The following KIF16B variants were observed in gnomAD, a reference collection of about 807,000 sequenced individuals.
The protein encoded by KIF16B is kinesin-like protein KIF16B.
KIF16B carries 98 observed loss-of-function variants against 156.3 expected under a neutral mutation model. That is an observed-to-expected ratio of 0.63 (90% CI 0.53 to 0.74). The LOEUF (loss-of-function observed/expected upper bound fraction) is 0.74. Ranked by LOEUF, KIF16B falls within the 30% of genes least tolerant of loss-of-function variation. KIF16B has a pLI of 0.00. For missense variants in KIF16B, 1,421 were observed against 1,606.5 expected, an observed-to-expected ratio of 0.88 and a Z score of 1.97; for synonymous variants, 564 against 583.7, an observed-to-expected ratio of 0.97 and a Z score of 0.49.
At chr20:16,408,784 T>G (rs957017771) in intron 15 of KIF16B, among the ~76,000 whole-genome samples, 1 of 152,130 alleles carries the variant, frequency 6.6e-6, no homozygotes, top group Non-Finnish European at 1.5e-5. Flanking sequence ...TAGATAATGT[T>G]TGAGTCAACT....
intron 15 of KIF16B, among the ~76,000 whole-genome samples, chr20:16,422,773 G>A (rs141903285): frequency 1.9e-3 from 295 of 152,152 alleles, no homozygotes; most frequent in Non-Finnish European, 3.0e-3. Context: ...ACACAAGAGG[G>A]ATATTGCATA....
chr20:16,362,102 C>G (rs1247628466), intron 22 of KIF16B, among the ~76,000 whole-genome samples: 1 of 152,164 alleles, frequency 6.6e-6, no homozygotes, highest in Non-Finnish European at 1.5e-5. Flanking sequence ...GGTTAGGACC[C>G]TCAGGGAAAA....
intron 22 of KIF16B, chr20:16,368,823 C>T (rs1485299870): frequency 1.0e-5 from 10 of 985,754 alleles, no homozygotes; most frequent in Non-Finnish European, 8.4e-6. Context: ...TATTTATAGA[C>T]ACTTCTTGGG....
Position 16,505,822 on chromosome 20 carries a change from A to C in KIF16B, c.900T>G (p.Leu300=), listed in dbSNP as rs764048805. Residue 300 remains leucine (L), a synonymous_variant, in exon 9 of 26, where the codon CTT becomes CTG. Coordinates refer to ENST00000354981, the MANE Select transcript of KIF16B (RefSeq NM_024704.5). ...ADLSQDAANT[L]AKKKQVFVPY... is the part of the protein sequence containing the mutation. ...GCACGAAAACTTGCTTCTTCTTTGC[A>C]AGAGTATTTGCAGCATCCTGAGATA... is the stretch of plus-strand genomic sequence containing the variant. 1 of 1,614,030 alleles carries C rather than the reference A, an allele frequency of 6.2e-7. No individual in the cohort carries two copies.
intron 1 of KIF16B, among the ~76,000 whole-genome samples, chr20:16,552,214 C>T (rs2070694096): frequency 6.6e-6 from 1 of 152,156 alleles, no homozygotes; most frequent in Admixed American, 6.5e-5. Flanking sequence ...CCCAGCTCAG[C>T]ACTTGAAATA....
At chr20:16,446,363 T>C (rs915009288) in intron 12 of KIF16B, among the ~76,000 whole-genome samples, 3 of 152,214 alleles carry the variant, frequency 2.0e-5, no homozygotes, top group Non-Finnish European at 4.4e-5. Flanking sequence ...GTTTTTACTT[T>C]AATTAATCTA....
At chr20:16,540,442 C>T (rs1193831399) in intron 1 of KIF16B, among the ~76,000 whole-genome samples, 1 of 152,170 alleles carries the variant, frequency 6.6e-6, no homozygotes, top group African/African-American at 2.4e-5. Flanking sequence ...CTTTGAAATT[C>T]TGGGTGGCTC....
chr20:16,478,503 T>G (rs1377716722), intron 12 of KIF16B, among the ~76,000 whole-genome samples: 1 of 152,136 alleles, frequency 6.6e-6, no homozygotes, highest in African/African-American at 2.4e-5. Flanking sequence ...AAATGGAAAA[T>G]TCTAGGCAGA....
intron 1 of KIF16B, among the ~76,000 whole-genome samples, chr20:16,569,772 A>T (rs535484906): frequency 6.6e-6 from 1 of 152,346 alleles, no homozygotes; most frequent in African/African-American, 2.4e-5. Flanking sequence ...TTTGTAGGTG[A>T]CTTTTTAAAA....
intron 25 of KIF16B, among the ~76,000 whole-genome samples, chr20:16,306,452 C>T (rs1487718335): frequency 6.6e-5 from 10 of 152,074 alleles, no homozygotes; most frequent in Non-Finnish European, 1.3e-4. Context: ...AACAGCTCCA[C>T]CATGATTAAA....
intron 12 of KIF16B, among the ~76,000 whole-genome samples, chr20:16,483,419 A>G (rs76729604): frequency 5.5e-4 from 84 of 152,230 alleles, no homozygotes; most frequent in Non-Finnish European, 1.0e-3. Flanking sequence ...TATCTGTATA[A>G]AACTACATAC....
intron 6 of KIF16B, among the ~76,000 whole-genome samples, chr20:16,508,585 A>G (rs970021799): frequency 6.6e-6 from 1 of 152,172 alleles, no homozygotes; most frequent in African/African-American, 2.4e-5. Context: ...TCATGCTCCT[A>G]TGAGAATCTA....
chr20:16,275,211 G>A (rs1164768029), intron 25 of KIF16B, among the ~76,000 whole-genome samples: 1 of 151,964 alleles, frequency 6.6e-6, no homozygotes, highest in Non-Finnish European at 1.5e-5. Flanking sequence ...GTGCCACCAT[G>A]CCCAGCTAAT....
intron 1 of KIF16B, among the ~76,000 whole-genome samples, chr20:16,556,134 T>C (rs1213324478): frequency 1.3e-5 from 2 of 152,096 alleles, no homozygotes; most frequent in Non-Finnish European, 2.9e-5. Context: ...GGTGGTCCAG[T>C]ACCAACAGAA....
At chr20:16,536,532 G>A (rs566466061) in intron 1 of KIF16B, among the ~76,000 whole-genome samples, 1 of 152,070 alleles carries the variant, frequency 6.6e-6, no homozygotes, top group Non-Finnish European at 1.5e-5. Flanking sequence ...TCCAGTGATG[G>A]ATATCCCAAA....
At chr20:16,489,208 A>G (rs1445854904) in intron 12 of KIF16B, among the ~76,000 whole-genome samples, 1 of 152,106 alleles carries the variant, frequency 6.6e-6, no homozygotes, top group Middle Eastern at 3.2e-3. Flanking sequence ...TTGCTGCAGG[A>G]GCTGGGGCCT....
chr20:16,523,514 ACTG>A (rs2069424244), intron 3 of KIF16B, among the ~76,000 whole-genome samples: 1 of 152,208 alleles, frequency 6.6e-6, no homozygotes, highest in Non-Finnish European at 1.5e-5. Context: ...AGTACAAACC[ACTG>A]CTCAAAGAAA....
intron 12 of KIF16B, among the ~76,000 whole-genome samples, chr20:16,450,540 T>A (rs1184755164): frequency 6.6e-6 from 1 of 152,198 alleles, no homozygotes; most frequent in African/African-American, 2.4e-5. Context: ...CCTCCCCACC[T>A]GCCCCACAGG....
chr20:16,400,519 C>A (rs916300143), intron 17 of KIF16B, among the ~76,000 whole-genome samples: 1 of 152,188 alleles, frequency 6.6e-6, no homozygotes, highest in Admixed American at 6.5e-5. Context: ...TACATACTCA[C>A]AAGAGTTGAA....
Sources: gnomAD v4.1 joint callset for allele counts (sites outside exome capture counted in the v4.1 genomes callset) on GRCh38, gnomAD v4.1.1 for gene constraint, MANE v1.5 for transcripts, NCBI Gene and HGNC (gene_info 2026-07-23, HGNC 2026-07-21) for gene names.